The following BPI variants were observed in gnomAD, a reference collection of about 807,000 sequenced individuals.
BPI encodes the protein bactericidal permeability-increasing protein.
BPI carries 48 observed loss-of-function variants against 57.6 expected under a neutral mutation model. That is an observed-to-expected ratio of 0.83 (90% CI 0.66 to 1.06). The LOEUF (loss-of-function observed/expected upper bound fraction) is 1.06. Among genes scored for constraint, BPI ranks in the 50% least tolerant of loss-of-function variants. The pLI, the probability that BPI is intolerant of heterozygous loss-of-function variation, is 0.00. For missense variants in BPI, 651 were observed against 609.7 expected (o/e 1.07, Z -0.71); for synonymous variants, 237 against 238.2 (o/e 0.99, Z 0.05).
chr20:38,304,594 C>G (rs867838585), intron 1 of BPI, among the ~76,000 whole-genome samples: 4 of 152,218 alleles, frequency 2.6e-5, no homozygotes, highest in African/African-American at 7.2e-5. Context: ...AGTGCTCAGA[C>G]CCCTGAGGGT....
chr20:38,328,440 C>T (rs1241614492), intron 11 of BPI, among the ~76,000 whole-genome samples: 1 of 152,050 alleles, frequency 6.6e-6, no homozygotes, highest in Non-Finnish European at 1.5e-5. Flanking sequence ...ATCCCAGCTA[C>T]TGGAGAGGCT....
chr20:38,324,186 C>A, intron 8 of BPI, 140 bp downstream of exon 8: 1 of 1,039,304 alleles, frequency 9.6e-7, no homozygotes, highest in Non-Finnish European at 1.4e-6. Flanking sequence ...AGCTGAGTTC[C>A]AATATCGGCC....
Position 38,323,935 on chromosome 20 carries a change from C to T in BPI, c.822C>T (p.Pro274=), listed in dbSNP as rs201390253. ...PPFAPPVMEF[P]AAHDRMVYLG... ...TTGCTCCACCAGTGATGGAGTTTCC[C>T]GCTGCCCATGACCGCATGGTATACC... is the stretch of plus-strand genomic sequence containing the variant. The change falls in exon 8 of 15, where the codon CCC becomes CCT. Residue 274 remains proline (P), a synonymous_variant. Transcript: ENST00000642449. 6.8e-5 allele frequency: 110 copies of T among 1,614,170 alleles called. No individual in the cohort carries two copies. The East Asian group carries it at 8.7e-4, about 13-fold the overall frequency.
At chr20:38,329,444 C>T (rs186779770) in intron 11 of BPI, among the ~76,000 whole-genome samples, 6 of 152,346 alleles carry the variant, frequency 3.9e-5, no homozygotes, top group Admixed American at 1.3e-4. Flanking sequence ...TGTTGACAAG[C>T]ATTACTGCTT....
Position 38,337,442 on chromosome 20 carries a change from A to G in BPI, c.*258A>G. On this transcript the variant is annotated 3_prime_UTR_variant, in exon 15 of 15. Transcript: ENST00000642449. ...TATTTCCTCCAGGAATCGTGTTTCA[A>G]TTGTAACCAAGAAATTTCCATTTGT... is the stretch of plus-strand genomic sequence containing the variant. The G allele has an allele frequency of 2.7e-6, 1 of 365,302 alleles. No homozygotes were observed. Among genetic ancestry groups the G allele is most frequent in the East Asian group, 4.2e-5 (1 of 23,650 alleles). The allele number at this position is 365,302 out of a possible 1,614,324, so 22.6% of individuals were successfully genotyped here.
intron 5 of BPI, among the ~76,000 whole-genome samples, chr20:38,317,214 A>G (rs145362649): frequency 2.0e-3 from 309 of 152,330 alleles, no homozygotes; most frequent in African/African-American, 3.9e-3. Flanking sequence ...TCTCTTAGTG[A>G]GGAGAAGCCT....
In BPI at chr20:38,310,568, C is replaced by A. The variant is rs775486929; in HGVS notation, c.452C>A (p.Thr151Lys). The A allele has an allele frequency of 1.2e-6, 2 of 1,614,072 alleles. No individual in the cohort carries two copies. The highest frequency in any genetic ancestry group is 1.7e-5 in the Admixed American group (1 of 60,010). ...SADLKLGSNP[T>K]SGKPTITCSS... ...GATCTGAAGCTGGGCAGTAACCCCA[C>A]GTCAGGCAAGCCCACCATCACCTGC... Residue 151 changes from threonine to lysine, a missense_variant, in exon 4 of 15, where the codon ACG (threonine) becomes AAG (lysine). Transcript: ENST00000642449.
intron 1 of BPI, among the ~76,000 whole-genome samples, chr20:38,307,177 C>T (rs951413726): frequency 1.2e-4 from 18 of 151,980 alleles, no homozygotes; most frequent in African/African-American, 3.1e-4. Flanking sequence ...CCAGCCTGGG[C>T]GACACAGCGA....
At position 38,307,723 on chromosome 20, in the gene BPI, T is replaced by C. The variant is rs775219115; in HGVS notation, c.245+42T>C. On this transcript the variant is annotated intron_variant, in intron 2 of 14. Transcript: ENST00000642449. ...CTCAATCCTCGATTTGCAGGACTTGTAGTGTTCTGGGGACACCAAGAGCTA... is the reference window on the plus strand; with the variant it reads ...CTCAATCCTCGATTTGCAGGACTTGCAGTGTTCTGGGGACACCAAGAGCTA... The C allele has an allele frequency of 6.6e-6, 10 of 1,516,212 alleles. No homozygotes were observed. The South Asian group carries it at 9.1e-5, about 14-fold the overall frequency. 93.9% of individuals were successfully genotyped at this position (1,516,212 alleles called of 1,614,324 possible). A position where few individuals can be genotyped will look rare whatever the true frequency, so the allele number is the denominator to read the frequency against.
chr20:38,326,681 A>C (rs577273381), intron 10 of BPI: 4 of 447,498 alleles, frequency 8.9e-6, no homozygotes, highest in Non-Finnish European at 1.6e-5. Context: ...CATTCATTCA[A>C]TTATTCATTC....
chr20:38,308,837 G>C (rs1406493356), intron 2 of BPI, 93 bp from the exon 3 acceptor site: 6 of 1,500,298 alleles, frequency 4.0e-6, no homozygotes, highest in African/African-American at 1.4e-5. Context: ...ACCAGGTGGT[G>C]GGGGACGAGT....
chr20:38,310,197 T>C (rs2076615303), intron 3 of BPI, among the ~76,000 whole-genome samples: 3 of 152,090 alleles, frequency 2.0e-5, no homozygotes, highest in Non-Finnish European at 4.4e-5. Context: ...AGGGAGGAAA[T>C]GGAAGCTCAG....
chr20:38,317,904 G>T (rs2076660050), intron 5 of BPI: 1 of 985,218 alleles, frequency 1.0e-6, no homozygotes, highest in African/African-American at 1.7e-5. Context: ...GGGTGGAGTG[G>T]CAAAGGCAGG....
intron 7 of BPI, 145 bp downstream of exon 7, chr20:38,320,419 T>C (rs1329281916): frequency 2.7e-6 from 2 of 736,138 alleles, no homozygotes; most frequent in Non-Finnish European, 4.4e-6. Context: ...CGCCTCTCCC[T>C]GCTCCAGTCA....
Position 38,304,329 on chromosome 20 carries a change from A to T in BPI, c.106A>T (p.Ile36Phe). The T allele has an allele frequency of 6.2e-7, 1 of 1,613,910 alleles. No individual in the cohort carries two copies. Among genetic ancestry groups the T allele is most frequent in the Non-Finnish European group, 8.5e-7 (1 of 1,180,002 alleles). ...CGTCAACCCTGGCGTCGTGGTCAGG[A>T]TCTCCCAGAAGGGCCTGGACTACGG... is the stretch of plus-strand genomic sequence containing the variant. The part of the protein sequence containing the change: ...AAVNPGVVVR[I>F]SQKGLDYASQ... Residue 36 changes from isoleucine (I) to phenylalanine (F), a missense_variant, in exon 1 of 15, where the codon ATC becomes TTC. Ile to Phe is a conservative substitution (Grantham distance 21). Coordinates refer to ENST00000642449, the MANE Select transcript of BPI (RefSeq NM_001725.3).
rs576629002 is a variant in BPI at position 38,304,207 on chromosome 20, G to A, written c.-17G>A. 5.0e-6 allele frequency: 8 copies of A among 1,614,164 alleles called. No individual in the cohort carries two copies. The East Asian group carries it at 1.3e-4, about 27-fold the overall frequency. ...AAGGCCTTGAGGTTTTGGCAGCTCT[G>A]GAGGATGAGAGAGAACATGGCCAGG... is the stretch of plus-strand genomic sequence containing the variant. On this transcript the variant is annotated 5_prime_UTR_variant, in exon 1 of 15. Transcript: ENST00000642449.
chr20:38,332,524 C>T (rs1328529069), intron 12 of BPI, among the ~76,000 whole-genome samples: 2 of 152,168 alleles, frequency 1.3e-5, no homozygotes, highest in Non-Finnish European at 2.9e-5. Context: ...CAGCACCATA[C>T]TAGGCACAGT....
chr20:38,308,738 T>C (rs6069682), intron 2 of BPI, among the ~76,000 whole-genome samples, 192 bp from the exon 3 acceptor site: 71,294 of 152,054 alleles, frequency 0.47, 17,116 homozygotes, highest in African/African-American at 0.49. Flanking sequence ...TTTTTCTGAC[T>C]TCAAAACCTA....
chr20:38,304,451 A>G (rs1407088194), intron 1 of BPI, 98 bp downstream of exon 1: 3 of 1,486,158 alleles, frequency 2.0e-6, no homozygotes, highest in East Asian at 4.8e-5. Flanking sequence ...TGGCACACTC[A>G]TAGCACCTCA....
Sources: gnomAD v4.1 joint callset for allele counts (sites outside exome capture counted in the v4.1 genomes callset) on GRCh38, gnomAD v4.1.1 for gene constraint, MANE v1.5 for transcripts, NCBI Gene and HGNC (gene_info 2026-07-23, HGNC 2026-07-21) for gene names.